Variants in VPS13B observed in about 807,000 individuals in gnomAD.
VPS13B encodes the protein vacuolar protein sorting 13 homolog B.
VPS13B carries 285 observed loss-of-function variants against 426.4 expected under a neutral mutation model. The ratio of observed to expected loss-of-function variants is 0.67; its 90% CI spans 0.61 to 0.74. VPS13B has a LOEUF of 0.74. Ranked by LOEUF, VPS13B falls within the 30% of genes least tolerant of loss-of-function variation. VPS13B has a pLI of 0.00. For synonymous variants in VPS13B, 1,676 were observed against 1,676.4 expected (o/e 1.00, Z 0.01); for missense variants, 4,537 against 4,782.6 (o/e 0.95, Z 1.51).
At chr8:99,075,965 A>G (rs1260547173) in intron 3 of VPS13B, among the ~76,000 whole-genome samples, 1 of 151,506 alleles carries the variant, frequency 6.6e-6, no homozygotes, top group African/African-American at 2.4e-5. Flanking sequence ...GGTTTTTTTG[A>G]AATCTTTCTA....
intron 17 of VPS13B, among the ~76,000 whole-genome samples, chr8:99,257,136 G>A (rs1161844034): frequency 6.6e-6 from 1 of 152,126 alleles, no homozygotes. Context: ...GCATCCTTAA[G>A]CTAGGATGAA....
chr8:99,129,874 G>A (rs1809684937), intron 8 of VPS13B, among the ~76,000 whole-genome samples: 4 of 152,098 alleles, frequency 2.6e-5, no homozygotes, highest in Admixed American at 2.6e-4. Context: ...AAAATAGCCA[G>A]GTGTGGTAGT....
chr8:99,560,360 G>T (rs1824842283), intron 31 of VPS13B, among the ~76,000 whole-genome samples: 2 of 151,950 alleles, frequency 1.3e-5, no homozygotes, highest in Admixed American at 6.6e-5. Context: ...TGTTTTCTAG[G>T]AAGCCTTCCC....
At chr8:99,451,647 T>G (rs1315306278) in intron 23 of VPS13B, among the ~76,000 whole-genome samples, 2 of 152,334 alleles carry the variant, frequency 1.3e-5, no homozygotes, top group Non-Finnish European at 2.9e-5. Flanking sequence ...CAATCTTTGC[T>G]GTTTCCCAGA....
intron 8 of VPS13B, among the ~76,000 whole-genome samples, chr8:99,133,786 A>T (rs1238740773): frequency 6.6e-6 from 1 of 152,192 alleles, no homozygotes. Flanking sequence ...TTAAATGGGC[A>T]TGTTCATGGT....
chr8:99,792,152 T>A (rs1263502201), intron 43 of VPS13B, among the ~76,000 whole-genome samples: 2 of 152,142 alleles, frequency 1.3e-5, no homozygotes, highest in African/African-American at 4.8e-5. Flanking sequence ...CTAAACAAGT[T>A]AGTTGCCTGT....
At position 99,717,368 on chromosome 8, in the gene VPS13B, C is replaced by A. The variant is rs559107679; in HGVS notation, c.6652C>A (p.Leu2218Ile). The A allele has an allele frequency of 5.6e-6, 9 of 1,613,726 alleles. No individual in the cohort carries two copies. The East Asian group carries it at 1.8e-4, about 32-fold the overall frequency. The change falls in exon 37 of 62, where the codon CTA becomes ATA. Residue 2218 changes from leucine to isoleucine, a missense_variant. Leu to Ile is a conservative substitution (Grantham distance 5, BLOSUM62 2). Transcript: ENST00000357162. ...KISIDLRGGL[L>I]QVFWGQEHLN... ...ATCCATTGACTTAAGAGGAGGTCTA[C>A]TACAGGTCTGTGGGTATTGGCCATA...
At chr8:99,124,552 T>G (rs184201740) in intron 8 of VPS13B, among the ~76,000 whole-genome samples, 2 of 152,090 alleles carry the variant, frequency 1.3e-5, no homozygotes, top group East Asian at 3.9e-4. Flanking sequence ...ATAAACAAAT[T>G]GTGGTATATA....
chr8:99,322,629 G>A (rs1166186903), intron 19 of VPS13B, among the ~76,000 whole-genome samples: 1 of 152,176 alleles, frequency 6.6e-6, no homozygotes, highest in Non-Finnish European at 1.5e-5. Context: ...CAATCCACAT[G>A]TCTGTGTCAG....
intron 55 of VPS13B, among the ~76,000 whole-genome samples, chr8:99,849,744 C>T (rs1178679817): frequency 6.6e-6 from 1 of 152,000 alleles, no homozygotes. Flanking sequence ...AGTAAAAATG[C>T]CCATCCATAG....
intron 17 of VPS13B, among the ~76,000 whole-genome samples, chr8:99,210,994 C>G (rs188576184): frequency 3.0e-4 from 46 of 152,286 alleles, no homozygotes; most frequent in African/African-American, 1.1e-3. Context: ...TCTCAGGTGA[C>G]AAATGACTGA....
intron 35 of VPS13B, among the ~76,000 whole-genome samples, chr8:99,695,566 G>C (rs568845703): frequency 1.0e-5 from 1 of 97,540 alleles, no homozygotes; most frequent in South Asian, 4.8e-4. Context: ...GGGGAGGGGG[G>C]AGGGATAGCA....
intron 3 of VPS13B, among the ~76,000 whole-genome samples, chr8:99,068,168 C>T (rs1844646775): frequency 6.6e-6 from 1 of 152,068 alleles, no homozygotes; most frequent in Admixed American, 6.5e-5. Flanking sequence ...ACCCTTTAGT[C>T]TTTCATTAGA....
chr8:99,839,012 C>T (rs987631820), intron 54 of VPS13B, among the ~76,000 whole-genome samples: 7 of 152,296 alleles, frequency 4.6e-5, no homozygotes, highest in Admixed American at 6.5e-5. Flanking sequence ...GGCAAGGCCC[C>T]GTAGGTCCTA....
chr8:99,476,392 C>T (rs1331672260), intron 24 of VPS13B, among the ~76,000 whole-genome samples: 1 of 149,976 alleles, frequency 6.7e-6, no homozygotes, highest in African/African-American at 2.5e-5. Context: ...TTTCAAAATT[C>T]CAAAGGATGG....
At chr8:99,539,252 G>T (rs1823422760) in intron 30 of VPS13B, among the ~76,000 whole-genome samples, 1 of 152,080 alleles carries the variant, frequency 6.6e-6, no homozygotes, top group South Asian at 2.1e-4. Context: ...ATAATTTTCT[G>T]CACATTCTTT....
Position 99,832,496 on chromosome 8 carries a change from C to A in VPS13B, c.9458C>A (p.Ser3153Tyr), listed in dbSNP as rs1815134599. The A allele has an allele frequency of 6.8e-6, 11 of 1,613,616 alleles. No individual in the cohort carries two copies. Among genetic ancestry groups the A allele is most frequent in the Non-Finnish European group, 9.3e-6 (11 of 1,179,962 alleles). ...ATCAGTCAGTCAGTACTGGATGCAT[C>A]CCTGCTTCAGAAACAGATCATGCTG... ...PDISQSVLDA[S>Y]LLQKQIMLGF... The change falls in exon 52 of 62, where the codon TCC (serine) becomes TAC (tyrosine). Residue 3153 changes from serine (S) to tyrosine (Y), a missense_variant. Physicochemically the swap from Ser to Tyr is moderately radical, Grantham distance 144 (BLOSUM62 -2). Coordinates refer to ENST00000357162, the MANE Select transcript of VPS13B (RefSeq NM_152564.5).
intron 33 of VPS13B, among the ~76,000 whole-genome samples, chr8:99,592,305 A>G (rs1032634435): frequency 1.3e-5 from 2 of 152,030 alleles, no homozygotes; most frequent in African/African-American, 4.8e-5. Context: ...AGCTTTCTGA[A>G]GCCTACTTCT....
chr8:99,748,062 GAA>G (rs1335335799), intron 39 of VPS13B, among the ~76,000 whole-genome samples: 1 of 151,984 alleles, frequency 6.6e-6, no homozygotes, highest in Non-Finnish European at 1.5e-5. Context: ...AATCTCAAGA[GAA>G]AAATTTGCCA....
Sources: allele counts gnomAD v4.1 joint callset (sites outside exome capture counted in the v4.1 genomes callset), GRCh38; gene constraint gnomAD v4.1.1; transcripts MANE v1.5; gene names NCBI Gene and HGNC (gene_info 2026-07-23, HGNC 2026-07-21).